Variants in ATRN observed in about 807,000 individuals in gnomAD.
ATRN encodes the protein attractin-2.
In ATRN, 54 loss-of-function variants were observed where a neutral mutation model predicts 178.7. The ratio of observed to expected loss-of-function variants is 0.30; its 90% confidence interval spans 0.24 to 0.38. The LOEUF is 0.38. Ranked by LOEUF, ATRN falls within the 10% of genes least tolerant of loss-of-function variation. The pLI is 1.00. For missense variants in ATRN, 1,443 were observed against 1,815.1 expected (o/e 0.79, Z 3.73); for synonymous variants, 636 against 663.0 (o/e 0.96, Z 0.63).
intron 1 of ATRN, among the ~76,000 whole-genome samples, chr20:3,523,479 T>C (rs570279482): frequency 7.2e-4 from 109 of 152,262 alleles, no homozygotes; most frequent in African/African-American, 2.6e-3. Flanking sequence ...TGGAACCAAG[T>C]TGGAAAACAC....
chr20:3,541,208 G>C (rs1195584533), intron 3 of ATRN, among the ~76,000 whole-genome samples: 1 of 151,478 alleles, frequency 6.6e-6, no homozygotes, highest in Non-Finnish European at 1.5e-5. Context: ...CTCCCGAGTA[G>C]CTGGGACTAC....
intron 2 of ATRN, among the ~76,000 whole-genome samples, chr20:3,538,134 TGTCAGAATA>T (rs1430833125): frequency 7.4e-6 from 1 of 135,562 alleles, no homozygotes; most frequent in Non-Finnish European, 1.6e-5. Flanking sequence ...CTCTCCATCT[TGTCAGAATA>T]TTAAAGAGAT....
rs766620297 is a variant in ATRN, at chr20:3,560,695, T to C, written c.1237T>C (p.Ser413Pro). ...TTACATGTATGGAGGAAAAATTGAT[T>C]CAACTGGGAATGTGACCAATGAGTT... ...KIYMYGGKID[S>P]TGNVTNELRV... Residue 413 changes from serine (S) to proline (P), a missense_variant, in exon 8 of 29, where the codon TCA becomes CCA. Physicochemically the swap from Ser to Pro is moderately conservative, Grantham distance 74. Around this residue, in one of 4 missense-constraint regions of ATRN, gnomAD observed 862 missense variants for 972.1 expected, o/e 0.89. Coordinates refer to ENST00000262919, the MANE Select transcript of ATRN (RefSeq NM_139321.3). 51 of 1,613,082 alleles carry C rather than the reference T, an allele frequency of 3.2e-5. No homozygotes were observed. The Middle Eastern group carries it at 6.6e-4, about 21-fold the overall frequency.
intron 18 of ATRN, among the ~76,000 whole-genome samples, chr20:3,585,161 T>C (rs1348276715): frequency 1.3e-5 from 2 of 152,092 alleles, no homozygotes; most frequent in African/African-American, 4.8e-5. Flanking sequence ...TCTAGAACAG[T>C]TGGGAGAGGC....
chr20:3,558,741 T>G (rs235580), intron 6 of ATRN, among the ~76,000 whole-genome samples: 1 of 151,746 alleles, frequency 6.6e-6, no homozygotes, highest in African/African-American at 2.4e-5. Context: ...GTATGATTTT[T>G]ATAAAAACAG....
chr20:3,590,512 G>A (rs1209396479), intron 18 of ATRN, among the ~76,000 whole-genome samples: 1 of 152,134 alleles, frequency 6.6e-6, no homozygotes, highest in East Asian at 1.9e-4. Context: ...TACCTTTCTA[G>A]TTGTAAAGCC....
intron 12 of ATRN, among the ~76,000 whole-genome samples, chr20:3,573,938 A>G (rs1316776788): frequency 2.0e-5 from 3 of 152,084 alleles, no homozygotes; most frequent in African/African-American, 4.8e-5. Context: ...GGGTTTTACC[A>G]TGTTGGCCAG....
At chr20:3,573,374 TTTTTAATTTAATTTAA>T (rs2086156202) in intron 12 of ATRN, among the ~76,000 whole-genome samples, 1 of 152,230 alleles carries the variant, frequency 6.6e-6, no homozygotes, top group Non-Finnish European at 1.5e-5. Flanking sequence ...AAGAACTGAA[TTTTTAATTTAATTTAA>T]TTTTAATTTA....
chr20:3,555,146 C>T (rs1012639348), intron 6 of ATRN, among the ~76,000 whole-genome samples: 20 of 151,852 alleles, frequency 1.3e-4, no homozygotes, highest in South Asian at 6.2e-4. Flanking sequence ...GGACTACAGG[C>T]GCCCGCCACC....
chr20:3,474,098 G>A (rs1040149483), intron 1 of ATRN, among the ~76,000 whole-genome samples: 1 of 152,132 alleles, frequency 6.6e-6, no homozygotes, highest in African/African-American at 2.4e-5. Context: ...TGGAGTCATC[G>A]ACCTATGAGG....
intron 6 of ATRN, among the ~76,000 whole-genome samples, chr20:3,558,023 C>T (rs1053374082): frequency 1.6e-4 from 24 of 152,100 alleles, no homozygotes; most frequent in African/African-American, 5.1e-4. Context: ...GATTCACCAC[C>T]GGCTTAGAAA....
chr20:3,486,032 A>G lies in ATRN; in HGVS notation c.410+14515A>G, dbSNP rs138040856. Among the ~76,000 whole-genome samples the G allele has an allele frequency of 6.0e-3, 917 of 152,290 alleles. 13 individuals carry two copies. Among genetic ancestry groups the G allele is most frequent in the African/African-American group, 0.021 (852 of 41,548 alleles). ...GCTCATATAGCTGGGTCTGGAATTT[A>G]AGATTGATCATTATTTTCTTTGAGC... On this transcript the variant is annotated intron_variant, in intron 1 of 28. Transcript: ENST00000262919.
At chr20:3,560,109 T>C (rs1273138611) in intron 7 of ATRN, among the ~76,000 whole-genome samples, 1 of 152,174 alleles carries the variant, frequency 6.6e-6, no homozygotes, top group Non-Finnish European at 1.5e-5. Flanking sequence ...AGTTTGGTGG[T>C]AATAAATATA....
At chr20:3,614,388 C>T (rs2086810689) in intron 24 of ATRN, among the ~76,000 whole-genome samples, 1 of 152,172 alleles carries the variant, frequency 6.6e-6, no homozygotes. Flanking sequence ...TCGTTCCCGA[C>T]TCTGCAACAG....
chr20:3,568,680 C>T (rs78485208), intron 11 of ATRN, among the ~76,000 whole-genome samples: 247 of 152,202 alleles, frequency 1.6e-3, no homozygotes, highest in African/African-American at 5.7e-3. Flanking sequence ...GCATACATAA[C>T]TTTCTTTTAT....
intron 18 of ATRN, among the ~76,000 whole-genome samples, chr20:3,587,411 G>A (rs2086372728): frequency 6.6e-6 from 1 of 152,022 alleles, no homozygotes; most frequent in African/African-American, 2.4e-5. Flanking sequence ...TTTGTGTATG[G>A]TGTGAGGTAG....
intron 1 of ATRN, among the ~76,000 whole-genome samples, chr20:3,497,246 C>A: frequency 6.6e-6 from 1 of 150,438 alleles, no homozygotes; most frequent in Admixed American, 6.6e-5. Flanking sequence ...GATGCAGTTT[C>A]TTCCTAGTCT....
intron 26 of ATRN, among the ~76,000 whole-genome samples, chr20:3,637,306 A>G (rs2087032744): frequency 6.6e-6 from 1 of 152,328 alleles, no homozygotes; most frequent in African/African-American, 2.4e-5. Flanking sequence ...GACGCTGTTT[A>G]GTCCTTGCTA....
chr20:3,506,057 GACACAT>G (rs146070756), intron 1 of ATRN, among the ~76,000 whole-genome samples: 1,566 of 151,916 alleles, frequency 0.01, 26 homozygotes, highest in African/African-American at 0.033. Context: ...TTGACACACT[GACACAT>G]ACACATACAC....
Sources: allele counts gnomAD v4.1 joint callset (sites outside exome capture counted in the v4.1 genomes callset), GRCh38; gene constraint gnomAD v4.1.1; regional missense constraint gnomAD v4.1.1; transcripts MANE v1.5; gene names NCBI Gene and HGNC (gene_info 2026-07-23, HGNC 2026-07-21).